TBC1D22A: variants seen among roughly 807,000 people sequenced by gnomAD.
TBC1D22A encodes putative GTPase activator.
Under a neutral mutation model 60.2 loss-of-function variants are expected in TBC1D22A, and 38 were observed. The ratio of observed to expected loss-of-function variants is 0.63; its 90% CI spans 0.49 to 0.83. The LOEUF (loss-of-function observed/expected upper bound fraction) is 0.83, where lower values mean the gene tolerates loss of function less well. Ranked by LOEUF, TBC1D22A falls within the 40% of genes least tolerant of loss-of-function variation. The pLI is 0.00. For missense variants in TBC1D22A, 628 were observed against 701.0 expected, an observed-to-expected ratio of 0.90 and a Z score of 1.18; for synonymous variants, 302 against 281.7, an observed-to-expected ratio of 1.07 and a Z score of -0.72.
chr22:47,124,349 G>C (rs1284967183), intron 12 of TBC1D22A, among the ~76,000 whole-genome samples: 4 of 152,236 alleles, frequency 2.6e-5, no homozygotes, highest in Non-Finnish European at 5.9e-5. Flanking sequence ...TTGTGGGAGA[G>C]CTGGGTAAGA....
intron 11 of TBC1D22A, among the ~76,000 whole-genome samples, chr22:47,055,872 T>C (rs28371881): frequency 0.092 from 8,208 of 89,334 alleles, 230 homozygotes; most frequent in South Asian, 0.12. Flanking sequence ...CACGGAGGGT[T>C]GATGAGATAC....
intron 10 of TBC1D22A, among the ~76,000 whole-genome samples, chr22:47,001,353 CCA>C (rs1159096024): frequency 6.8e-6 from 1 of 146,034 alleles, no homozygotes; most frequent in Non-Finnish European, 1.5e-5. Context: ...ATAAAGTGAC[CCA>C]CACACATGAA....
chr22:47,035,207 C>T (rs997349681), intron 10 of TBC1D22A, among the ~76,000 whole-genome samples: 1 of 152,252 alleles, frequency 6.6e-6, no homozygotes, highest in African/African-American at 2.4e-5. Context: ...CAGGGACCCC[C>T]ACCCCCGCCT....
chr22:47,062,087 C>CA (rs908701365), intron 11 of TBC1D22A, among the ~76,000 whole-genome samples: 8,775 of 62,816 alleles, frequency 0.14, 853 homozygotes, highest in East Asian at 0.4. Flanking sequence ...GACTCCATCT[C>CA]AAAAAAAAAA....
chr22:47,112,431 T>C (rs1311857081), intron 12 of TBC1D22A, among the ~76,000 whole-genome samples: 1 of 152,148 alleles, frequency 6.6e-6, no homozygotes, highest in East Asian at 1.9e-4. Context: ...GTCTCTCAGA[T>C]AAAGGGACGG....
intron 12 of TBC1D22A, among the ~76,000 whole-genome samples, chr22:47,171,263 G>A (rs2068437317): frequency 1.3e-5 from 2 of 152,324 alleles, no homozygotes; most frequent in South Asian, 4.1e-4. Context: ...TCTCGAGGCA[G>A]GCGACATGGG....
chr22:46,840,498 C>T (rs1488196770), intron 4 of TBC1D22A, among the ~76,000 whole-genome samples: 2 of 152,032 alleles, frequency 1.3e-5, no homozygotes. Context: ...ACTTTGGGAG[C>T]CTGAGGCAGG....
chr22:46,875,567 T>G (rs1434050711), intron 4 of TBC1D22A, among the ~76,000 whole-genome samples: 1 of 152,130 alleles, frequency 6.6e-6, no homozygotes, highest in East Asian at 1.9e-4. Flanking sequence ...TTCTCCTGTC[T>G]TAGCCTCCCC....
At chr22:47,102,404 G>T (rs564699230) in intron 11 of TBC1D22A, among the ~76,000 whole-genome samples, 94 of 152,290 alleles carry the variant, frequency 6.2e-4, no homozygotes, top group Middle Eastern at 6.8e-3. Flanking sequence ...GGAGCCCCCG[G>T]TCCTGAGTGG....
At chr22:47,117,929 C>A (rs1193612033) in intron 12 of TBC1D22A, among the ~76,000 whole-genome samples, 1 of 151,960 alleles carries the variant, frequency 6.6e-6, no homozygotes, top group Non-Finnish European at 1.5e-5. Context: ...TCGAGACCAG[C>A]CTGACCAACA....
At position 46,891,540 on chromosome 22, in the gene TBC1D22A, TAATA is replaced by T. The variant is rs144905751; in HGVS notation, c.837+154_837+157del. 7.7e-3 allele frequency: 6,578 copies of T among 848,920 alleles called. 324 individuals carry two copies. In the African/African-American group the frequency reaches 0.1, roughly 13 times the overall value. The allele number at this position is 848,920 out of a possible 1,614,324, so 52.6% of individuals were successfully genotyped here. ...GATTAGCTCACAGATTTTTATTTTC[TAATA>T]AATAAATTTTAAAACAAATAATGGC... On this transcript the variant is annotated intron_variant, in intron 6 of 12. Transcript: ENST00000337137.
chr22:47,020,445 T>G (rs1466763733), intron 10 of TBC1D22A, among the ~76,000 whole-genome samples: 1 of 152,136 alleles, frequency 6.6e-6, no homozygotes, highest in African/African-American at 2.4e-5. Context: ...GACTCGTTTA[T>G]CTGAGTAATT....
At position 47,047,140 on chromosome 22, in the gene TBC1D22A, C is replaced by T. The variant is rs76134601; in HGVS notation, c.1329+9942C>T. Among the ~76,000 whole-genome samples the T allele has an allele frequency of 3.3e-5, 5 of 152,224 alleles. No individual in the cohort carries two copies. In the East Asian group the frequency reaches 5.8e-4, roughly 18 times the overall value. On this transcript the variant is annotated intron_variant, in intron 11 of 12. Transcript: ENST00000337137. The stretch of plus-strand genomic sequence containing the variant: ...TCCTGATCTTAGCTTGTTCTTAGTG[C>T]GAGGGTGTGGCGGAGGAGGGCTCGG...
intron 10 of TBC1D22A, among the ~76,000 whole-genome samples, chr22:46,998,648 G>C (rs1265657289): frequency 6.6e-6 from 1 of 152,206 alleles, no homozygotes; most frequent in Admixed American, 6.5e-5. Context: ...GCTCGGTTTG[G>C]GAAACTGCTG....
intron 11 of TBC1D22A, among the ~76,000 whole-genome samples, chr22:47,045,891 C>T (rs551648097): frequency 5.9e-5 from 9 of 152,284 alleles, no homozygotes; most frequent in South Asian, 2.1e-4. Context: ...CTTGTCTCCA[C>T]GTCCTCCCCA....
intron 8 of TBC1D22A, among the ~76,000 whole-genome samples, chr22:46,971,586 C>T (rs190945810): frequency 9.5e-4 from 145 of 152,302 alleles, no homozygotes; most frequent in African/African-American, 3.3e-3. Context: ...GGCCACTTAC[C>T]CTCCTGTCTA....
chr22:47,046,645 A>T (rs2076606318), intron 11 of TBC1D22A, among the ~76,000 whole-genome samples: 1 of 152,202 alleles, frequency 6.6e-6, no homozygotes, highest in Non-Finnish European at 1.5e-5. Flanking sequence ...GGTAGAAAGA[A>T]TAGGGCTGAA....
At chr22:46,956,569 G>A (rs1285806756) in intron 8 of TBC1D22A, among the ~76,000 whole-genome samples, 3 of 152,204 alleles carry the variant, frequency 2.0e-5, no homozygotes, top group African/African-American at 7.2e-5. Flanking sequence ...TTCCTTTTCA[G>A]GGGTCAACCT....
At chr22:46,926,224 A>G (rs2071041015) in intron 8 of TBC1D22A, among the ~76,000 whole-genome samples, 1 of 152,206 alleles carries the variant, frequency 6.6e-6, no homozygotes, top group Non-Finnish European at 1.5e-5. Context: ...ACCTCAAATC[A>G]TTAACTTTCC....
Sources: gnomAD v4.1 joint callset for allele counts (sites outside exome capture counted in the v4.1 genomes callset) on GRCh38, gnomAD v4.1.1 for gene constraint, MANE v1.5 for transcripts, NCBI Gene and HGNC (gene_info 2026-07-23, HGNC 2026-07-21) for gene names.